The following C3orf38 variants were observed in gnomAD, a reference collection of about 807,000 sequenced individuals.
The protein encoded by C3orf38 is chromosome 3 open reading frame 38.
A neutral mutation model predicts 28.3 loss-of-function variants in C3orf38; 18 were observed. The ratio of observed to expected loss-of-function variants is 0.64; its 90% CI spans 0.44 to 0.94. C3orf38 has a LOEUF of 0.94. Among genes scored for constraint, C3orf38 ranks in the 40% least tolerant of loss-of-function variants. The probability of loss-of-function intolerance (pLI) is 0.00; values close to 1 mark genes in which losing one functional copy is unlikely to be tolerated. For missense variants in C3orf38, 364 were observed against 396.4 expected (o/e 0.92, Z 0.69); for synonymous variants, 145 against 138.1 (o/e 1.05, Z -0.35).
chr3:88,157,449 A>G lies in C3orf38; in HGVS notation c.*814A>G, dbSNP rs1707495029. On this transcript the variant is annotated 3_prime_UTR_variant, in exon 3 of 3. Coordinates refer to ENST00000318887, the MANE Select transcript of C3orf38 (RefSeq NM_173824.4). ...AATATGCTGTTGAAATTTTAAAGGT[A>G]TGCCCAGTTCCTAACTTTTAAACGA... 1 of 152,200 alleles carries G rather than the reference A, an allele frequency of 6.6e-6. No homozygotes were observed. Among genetic ancestry groups the G allele is most frequent in the Non-Finnish European group, 1.5e-5 (1 of 68,022 alleles). 9.4% of individuals were successfully genotyped at this position (152,200 alleles called of 1,614,324 possible). A position where few individuals can be genotyped will look rare whatever the true frequency, so the allele number is the denominator to read the frequency against.
intron 2 of C3orf38, among the ~76,000 whole-genome samples, 168 bp downstream of exon 2, chr3:88,153,639 A>T (rs1310214462): frequency 2.6e-5 from 4 of 151,910 alleles, no homozygotes; most frequent in Non-Finnish European, 5.9e-5. Context: ...TGGTGTAATC[A>T]TAGCTCACTG....
intron 1 of C3orf38, among the ~76,000 whole-genome samples, chr3:88,152,297 C>G (rs1402103999): frequency 6.6e-6 from 1 of 151,808 alleles, no homozygotes; most frequent in African/African-American, 2.4e-5. Flanking sequence ...ACACCTGTAA[C>G]CCCTTGGGAG....
At chr3:88,153,510 C>T (rs1404388008) in intron 2 of C3orf38, 39 bp downstream of exon 2, 6 of 1,597,648 alleles carry the variant, frequency 3.8e-6, no homozygotes, top group African/African-American at 1.4e-5. Flanking sequence ...AACCTTTGTT[C>T]TGTCTGAAAC....
chr3:88,152,474 A>G (rs1396386982), intron 1 of C3orf38, among the ~76,000 whole-genome samples: 1 of 151,496 alleles, frequency 6.6e-6, no homozygotes, highest in Admixed American at 6.6e-5. Flanking sequence ...TAGAAATACA[A>G]TAGTTGGGCC....
Position 88,150,019 on chromosome 3 carries a change from T to A in C3orf38, c.-34T>A. On this transcript the variant is annotated 5_prime_UTR_variant, in exon 1 of 3. The change creates a new upstream start codon in the 5' untranslated region. Transcript: ENST00000318887. ...GGCCCAGTGGGCCGTAGGGGCGACA[T>A]TGTTGCCGTTGTCTTTCCCCCCCAG... The A allele has an allele frequency of 1.9e-6, 3 of 1,583,610 alleles. No homozygotes were observed. The highest frequency in any genetic ancestry group is 1.7e-6 in the Non-Finnish European group (2 of 1,167,088).
Position 88,156,207 on chromosome 3 carries a change from A to G in C3orf38, c.562A>G (p.Asn188Asp). 6.2e-7 allele frequency: 1 copy of G among 1,613,944 alleles called. No homozygotes were observed. Among genetic ancestry groups the G allele is most frequent in the Non-Finnish European group, 8.5e-7 (1 of 1,179,966 alleles). Residue 188 changes from asparagine to aspartate, a missense_variant, in exon 3 of 3, where the codon AAT (asparagine) becomes GAT (aspartate). By Grantham distance (23) the Asn-to-Asp change is conservative (BLOSUM62 1). Coordinates refer to ENST00000318887, the MANE Select transcript of C3orf38 (RefSeq NM_173824.4). ...LRFYYNTSEQ[N>D]VMDYHGAEIV... The stretch of plus-strand genomic sequence containing the variant: ...GTTTTATTACAACACATCAGAACAA[A>G]ATGTTATGGACTACCATGGAGCAGA...
rs1258770416 is a variant in C3orf38 at position 88,157,870 on chromosome 3, G to T, written c.*1235G>T. 1 of 151,870 alleles carries T rather than the reference G, an allele frequency of 6.6e-6. No individual in the cohort carries two copies. The highest frequency in any genetic ancestry group is 1.5e-5 in the Non-Finnish European group (1 of 67,928). The allele number at this position is 151,870 out of a possible 1,614,324, so 9.4% of individuals were successfully genotyped here. ...AATGGGAGCCTGGAAACTCATCTTT[G>T]TTTTTTTAATGCTATGCCTCTTACG... On this transcript the variant is annotated 3_prime_UTR_variant, in exon 3 of 3. Transcript: ENST00000318887.
Position 88,157,950 on chromosome 3 carries a change from C to T in C3orf38, c.*1315C>T, listed in dbSNP as rs1400787261. ...AGAACTTAATAAAGGAGGGAAATCC[C>T]TTTTGTCTGCTATAAGAATAGTGTA... On this transcript the variant is annotated 3_prime_UTR_variant, in exon 3 of 3. Transcript: ENST00000318887. 1 of 151,956 alleles carries T rather than the reference C, an allele frequency of 6.6e-6. No individual in the cohort carries two copies. The highest frequency in any genetic ancestry group is 1.9e-4 in the East Asian group (1 of 5,186). The allele number at this position is 151,956 out of a possible 1,614,324, so 9.4% of individuals were successfully genotyped here.
Position 88,157,619 on chromosome 3 carries a change from C to A in C3orf38, c.*984C>A, listed in dbSNP as rs1707498046. On this transcript the variant is annotated 3_prime_UTR_variant, in exon 3 of 3. Coordinates refer to ENST00000318887, the MANE Select transcript of C3orf38 (RefSeq NM_173824.4). ...TAACTTAGAATATTTAGTTTTTTACCTGTTACTAGGTTTGAGTTACATGGT... is the reference window on the plus strand; with the variant it reads ...TAACTTAGAATATTTAGTTTTTTACATGTTACTAGGTTTGAGTTACATGGT... 6.6e-6 allele frequency: 1 copy of A among 152,112 alleles called. No individual in the cohort carries two copies. Among genetic ancestry groups the A allele is most frequent in the South Asian group, 2.1e-4 (1 of 4,830 alleles). 9.4% of individuals were successfully genotyped at this position (152,112 alleles called of 1,614,324 possible).
intron 1 of C3orf38, among the ~76,000 whole-genome samples, chr3:88,151,686 C>T (rs1707415874): frequency 6.6e-6 from 1 of 152,048 alleles, no homozygotes; most frequent in Non-Finnish European, 1.5e-5. Flanking sequence ...AGTCTGTAAA[C>T]AGAAGAATAG....
Position 88,153,292 on chromosome 3 carries a change from G to C in C3orf38, c.196G>C (p.Val66Leu). Residue 66 changes from valine (V) to leucine (L), a missense_variant, in exon 2 of 3, where the codon GTC (valine) becomes CTC (leucine). Val to Leu is a conservative substitution (Grantham distance 32). Coordinates refer to ENST00000318887, the MANE Select transcript of C3orf38 (RefSeq NM_173824.4). ...AGAAGAACTTCTGAGGCGTAGAAAA[G>C]TCCACCGAGAAGTTATATTTAAGTA... ...SAEELLRRRK[V>L]HREVIFKYLA... The C allele has an allele frequency of 6.2e-7, 1 of 1,613,682 alleles. No homozygotes were observed. Among genetic ancestry groups the C allele is most frequent in the Non-Finnish European group, 8.5e-7 (1 of 1,179,876 alleles).
chr3:88,154,979 C>T (rs1006383497), intron 2 of C3orf38, among the ~76,000 whole-genome samples: 1 of 152,012 alleles, frequency 6.6e-6, no homozygotes, highest in African/African-American at 2.4e-5. Context: ...CCTGCCTCAG[C>T]CTCCCAAGTA....
At chr3:88,155,876 T>C (rs755956994) in intron 2 of C3orf38, 145 bp from the exon 3 acceptor site, 7 of 533,578 alleles carry the variant, frequency 1.3e-5, no homozygotes, top group African/African-American at 5.9e-5. Context: ...ATTTTTACTA[T>C]GCATAATGGG....
At chr3:88,155,497 T>TG (rs1707468010) in intron 2 of C3orf38, among the ~76,000 whole-genome samples, 1 of 150,904 alleles carries the variant, frequency 6.6e-6, no homozygotes, top group African/African-American at 2.4e-5. Flanking sequence ...CTCGCTCTGT[T>TG]GCGCGGGCTG....
At chr3:88,154,342 C>T (rs1473737390) in intron 2 of C3orf38, among the ~76,000 whole-genome samples, 1 of 151,224 alleles carries the variant, frequency 6.6e-6, no homozygotes, top group Non-Finnish European at 1.5e-5. Flanking sequence ...TTGATGCCCC[C>T]GCCCCCACAT....
In C3orf38 at chr3:88,153,211, CTT is replaced by C; in HGVS notation, c.134-17_134-16del. 2 of 1,593,662 alleles carry C rather than the reference CTT, an allele frequency of 1.3e-6. No homozygotes were observed. The highest frequency in any genetic ancestry group is 2.2e-5 in the South Asian group (2 of 89,264). On this transcript the variant is annotated splice_polypyrimidine_tract_variant and intron_variant, in intron 1 of 2. Coordinates refer to ENST00000318887, the MANE Select transcript of C3orf38 (RefSeq NM_173824.4). ...AAGTGCCTCATGATTTTTTATTAAT[CTT>C]TGCAATTTCTTTCTAGATGCTGTTC...
At position 88,156,447 on chromosome 3, in the gene C3orf38, A is replaced by G. The variant is rs1167801363; in HGVS notation, c.802A>G (p.Ile268Val). The part of the protein sequence containing the change: ...RCPFVENTWK[I>V]KFINLKIMGE... The stretch of plus-strand genomic sequence containing the variant: ...CCCTTTTGTGGAGAATACTTGGAAA[A>G]TCAAATTTATCAACCTGAAAATTAT... Residue 268 changes from isoleucine (I) to valine (V), a missense_variant, in exon 3 of 3, where the codon ATC becomes GTC. Coordinates refer to ENST00000318887, the MANE Select transcript of C3orf38 (RefSeq NM_173824.4). 7 of 1,614,030 alleles carry G rather than the reference A, an allele frequency of 4.3e-6. No individual in the cohort carries two copies. In the African/African-American group the frequency reaches 9.3e-5, roughly 22 times the overall value.
intron 2 of C3orf38, 76 bp downstream of exon 2, chr3:88,153,547 A>C: frequency 1.3e-6 from 2 of 1,494,056 alleles, no homozygotes; most frequent in South Asian, 1.2e-5. Context: ...GATTGTGGGG[A>C]ACATGGTTAA....
intron 2 of C3orf38, among the ~76,000 whole-genome samples, chr3:88,154,863 T>A (rs1285991464): frequency 6.6e-6 from 1 of 150,828 alleles, no homozygotes; most frequent in Non-Finnish European, 1.5e-5. Context: ...ACAGTAACTT[T>A]TTTTTTTTTT....
Sources: gnomAD v4.1 joint callset for allele counts (sites outside exome capture counted in the v4.1 genomes callset) on GRCh38, gnomAD v4.1.1 for gene constraint, MANE v1.5 for transcripts, NCBI Gene and HGNC (gene_info 2026-07-23, HGNC 2026-07-21) for gene names.